ANKIB1: variants seen among roughly 807,000 people sequenced by gnomAD.
ANKIB1 encodes the protein ankyrin repeat and IBR domain containing 1.
A neutral mutation model predicts 122.1 loss-of-function variants in ANKIB1; 43 were observed. That is an observed-to-expected ratio of 0.35 (90% CI 0.28 to 0.45). The LOEUF (loss-of-function observed/expected upper bound fraction) is 0.45, where lower values mean the gene tolerates loss of function less well. ANKIB1 is among the 20% of genes least tolerant of loss of function. The pLI, the probability that ANKIB1 is intolerant of heterozygous loss-of-function variation, is 1.00. For synonymous variants in ANKIB1, 390 were observed against 442.0 expected, an observed-to-expected ratio of 0.88 and a Z score of 1.48; for missense variants, 992 against 1,329.5, an observed-to-expected ratio of 0.75 and a Z score of 3.95.
At chr7:92,354,765 T>A (rs528112891) in intron 9 of ANKIB1, among the ~76,000 whole-genome samples, 2 of 152,326 alleles carry the variant, frequency 1.3e-5, no homozygotes, top group South Asian at 4.1e-4. Flanking sequence ...AAGTGGAAAT[T>A]GTCATATGCT....
At chr7:92,254,562 A>G (rs1282028234) in intron 1 of ANKIB1, among the ~76,000 whole-genome samples, 2 of 152,062 alleles carry the variant, frequency 1.3e-5, no homozygotes, top group Admixed American at 1.3e-4. Flanking sequence ...TTCCCTAACT[A>G]CTTATGAGGC....
intron 11 of ANKIB1, among the ~76,000 whole-genome samples, 183 bp from the exon 12 acceptor site, chr7:92,386,326 T>G (rs1322162693): frequency 6.6e-6 from 1 of 152,200 alleles, no homozygotes; most frequent in Non-Finnish European, 1.5e-5. Flanking sequence ...TACCCCCACA[T>G]CTTTCCATAA....
At chr7:92,313,527 A>G (rs1802734163) in intron 3 of ANKIB1, among the ~76,000 whole-genome samples, 1 of 152,272 alleles carries the variant, frequency 6.6e-6, no homozygotes, top group African/African-American at 2.4e-5. Flanking sequence ...TCCCTCAACT[A>G]TTATGATGCT....
At chr7:92,291,728 C>T (rs2131915777) in intron 1 of ANKIB1, among the ~76,000 whole-genome samples, 1 of 152,114 alleles carries the variant, frequency 6.6e-6, no homozygotes, top group South Asian at 2.1e-4. Context: ...AGGCACCCGC[C>T]ACCACGCCCG....
At chr7:92,339,575 A>G (rs960272566) in intron 5 of ANKIB1, among the ~76,000 whole-genome samples, 1 of 152,200 alleles carries the variant, frequency 6.6e-6, no homozygotes, top group African/African-American at 2.4e-5. Context: ...ACAGATTTCT[A>G]TTGAATATAC....
At chr7:92,299,349 G>T (rs553715208) in intron 2 of ANKIB1, among the ~76,000 whole-genome samples, 29 of 152,136 alleles carry the variant, frequency 1.9e-4, no homozygotes, top group African/African-American at 6.7e-4. Context: ...ATTATGTATG[G>T]GTGAAAGATA....
chr7:92,390,921 TA>T (rs1804771071), intron 15 of ANKIB1, among the ~76,000 whole-genome samples: 1 of 152,220 alleles, frequency 6.6e-6, no homozygotes, highest in African/African-American at 2.4e-5. Flanking sequence ...TTCATTTCTA[TA>T]AATGCCTATC....
rs142463996 is a variant in ANKIB1, at chr7:92,386,324, C to A, written c.1618-185C>A. Reference sequence around the variant, plus strand: ...AAACAATAATTTTAAACTACCCCCACATCTTTCCATAATGCAGATAAGGTC... The same window carrying A: ...AAACAATAATTTTAAACTACCCCCAAATCTTTCCATAATGCAGATAAGGTC... On this transcript the variant is annotated intron_variant, in intron 11 of 19. Transcript: ENST00000265742. 8.0e-3 allele frequency among the ~76,000 whole-genome samples: 1,213 copies of A among 152,326 alleles called. 11 individuals are homozygous for A. The highest frequency in any genetic ancestry group is 0.014 in the Middle Eastern group (4 of 294).
intron 5 of ANKIB1, among the ~76,000 whole-genome samples, chr7:92,328,434 T>C (rs1803073832): frequency 6.6e-6 from 1 of 152,162 alleles, no homozygotes; most frequent in South Asian, 2.1e-4. Flanking sequence ...TTCTTTGTTT[T>C]GTTTTGTTTT....
chr7:92,392,323 A>AT (rs1804803199), intron 17 of ANKIB1, 31 bp downstream of exon 17: 2 of 1,597,964 alleles, frequency 1.3e-6, no homozygotes, highest in East Asian at 2.2e-5. Context: ...TTGTTTTTGT[A>AT]TTTTTTCTTA....
intron 12 of ANKIB1, 53 bp from the exon 13 acceptor site, chr7:92,387,745 T>C: frequency 7.2e-7 from 1 of 1,383,948 alleles, no homozygotes; most frequent in Non-Finnish European, 1.0e-6. Context: ...CAAAAAACTA[T>C]TTTAGTAGCT....
Position 92,246,370 on chromosome 7 carries a change from C to G in ANKIB1, c.-240C>G, listed in dbSNP as rs749105207. 2 of 449,840 alleles carry G rather than the reference C, an allele frequency of 4.4e-6. No homozygotes were observed. Among genetic ancestry groups the G allele is most frequent in the Non-Finnish European group, 8.7e-6 (2 of 229,100 alleles). The allele number at this position is 449,840 out of a possible 1,614,324, so 27.9% of individuals were successfully genotyped here. A position where few individuals can be genotyped will look rare whatever the true frequency, so the allele number is the denominator to read the frequency against. Reference sequence around the variant, plus strand: ...TCAGCCTCCGCCTGGCGGGTGCACCCGGGCCGGCGAGGAAGGGGCAACCGT... The same window carrying G: ...TCAGCCTCCGCCTGGCGGGTGCACCGGGGCCGGCGAGGAAGGGGCAACCGT... On this transcript the variant is annotated 5_prime_UTR_variant, in exon 1 of 20. Transcript: ENST00000265742.
intron 1 of ANKIB1, among the ~76,000 whole-genome samples, chr7:92,267,357 C>T (rs1801692864): frequency 6.6e-6 from 1 of 152,026 alleles, no homozygotes; most frequent in Non-Finnish European, 1.5e-5. Flanking sequence ...ATAACTAGTA[C>T]CCCAGAAGCC....
At chr7:92,355,435 G>A (rs1271959606) in intron 9 of ANKIB1, among the ~76,000 whole-genome samples, 1 of 151,924 alleles carries the variant, frequency 6.6e-6, no homozygotes, top group Non-Finnish European at 1.5e-5. Flanking sequence ...TTTTACTCTG[G>A]TCCCTTTTAA....
At chr7:92,293,311 T>C (rs186074670) in intron 1 of ANKIB1, among the ~76,000 whole-genome samples, 40 of 152,318 alleles carry the variant, frequency 2.6e-4, no homozygotes, top group Non-Finnish European at 1.9e-4. Flanking sequence ...ACAAAGCCTA[T>C]GTCGAACACT....
intron 2 of ANKIB1, among the ~76,000 whole-genome samples, chr7:92,298,768 T>TAAAAAA (rs34091044): frequency 1.7e-5 from 2 of 117,622 alleles, no homozygotes; most frequent in Admixed American, 8.9e-5. Flanking sequence ...CACTTGCAGT[T>TAAAAAA]AAAAAAAAAA....
intron 17 of ANKIB1, among the ~76,000 whole-genome samples, chr7:92,395,557 T>G (rs1453387116): frequency 6.7e-6 from 1 of 148,944 alleles, no homozygotes; most frequent in African/African-American, 2.5e-5. Flanking sequence ...TTTTTTTTTT[T>G]TTTGAGATGG....
At chr7:92,325,102 T>G (rs987448645) in intron 4 of ANKIB1, among the ~76,000 whole-genome samples, 1 of 152,218 alleles carries the variant, frequency 6.6e-6, no homozygotes, top group African/African-American at 2.4e-5. Context: ...TTAGCGAGTA[T>G]TAGACCTAGG....
Position 92,387,734 on chromosome 7 carries a change from C to T in ANKIB1, c.1753-64C>T, listed in dbSNP as rs1804690504. The T allele has an allele frequency of 1.2e-5, 15 of 1,264,388 alleles. No homozygotes were observed. In the South Asian group the frequency reaches 1.8e-4, roughly 15 times the overall value. 78.3% of individuals were successfully genotyped at this position (1,264,388 alleles called of 1,614,324 possible). A position where few individuals can be genotyped will look rare whatever the true frequency, so the allele number is the denominator to read the frequency against. On this transcript the variant is annotated intron_variant, in intron 12 of 19. Coordinates refer to ENST00000265742, the MANE Select transcript of ANKIB1 (RefSeq NM_019004.2). ...CTAATAAAACTTTTAAATGATTCCC[C>T]CAAAAAACTATTTTAGTAGCTACTA...
Sources: gnomAD v4.1 joint callset for allele counts (sites outside exome capture counted in the v4.1 genomes callset) on GRCh38, gnomAD v4.1.1 for gene constraint, MANE v1.5 for transcripts, NCBI Gene and HGNC (gene_info 2026-07-23, HGNC 2026-07-21) for gene names.